RBFOX1: variants seen among roughly 807,000 people sequenced by gnomAD.
The protein encoded by RBFOX1 is RNA binding fox-1 homolog 1, also known as RNA binding protein fox-1 homolog 1.
Under a neutral mutation model 57.7 loss-of-function variants are expected in RBFOX1, and 8 were observed. That is an observed-to-expected ratio of 0.14 (90% confidence interval 0.08 to 0.25). The LOEUF (loss-of-function observed/expected upper bound fraction) is 0.25, where lower values mean the gene tolerates loss of function less well. Ranked by LOEUF, RBFOX1 falls within the 10% of genes least tolerant of loss-of-function variation. RBFOX1 has a pLI of 1.00. For synonymous variants in RBFOX1, 326 were observed against 222.4 expected (o/e 1.47, Z -4.15); for missense variants, 611 against 548.5 (o/e 1.11, Z -1.14).
At chr16:5,604,724 T>C (rs904577993), downstream of RBFOX1, among the ~76,000 whole-genome samples, 2 of 152,184 alleles carry the variant, frequency 1.3e-5, no homozygotes, top group African/African-American at 4.8e-5. Context: ...TCTCCTCTTC[T>C]TGGGGCCAAG....
At chr16:6,068,157 T>C (rs935698128) in intron 1 of RBFOX1, among the ~76,000 whole-genome samples, 1 of 152,208 alleles carries the variant, frequency 6.6e-6, no homozygotes, top group African/African-American at 2.4e-5. Flanking sequence ...TGCGAGGCTG[T>C]GTTTCTTATA....
chr16:7,690,377 A>G (rs975749895), intron 14 of RBFOX1, among the ~76,000 whole-genome samples: 2 of 152,270 alleles, frequency 1.3e-5, no homozygotes, highest in African/African-American at 2.4e-5. Flanking sequence ...AGAGGTTACC[A>G]TTTAATTGGT....
chr16:6,668,697 G>C (rs1488241622), intron 3 of RBFOX1, among the ~76,000 whole-genome samples: 1 of 152,104 alleles, frequency 6.6e-6, no homozygotes, highest in Non-Finnish European at 1.5e-5. Flanking sequence ...ATTTGTCTAT[G>C]ATGATATTTG....
intron 4 of RBFOX1, among the ~76,000 whole-genome samples, chr16:7,454,772 C>A (rs1003793758): frequency 6.6e-6 from 1 of 152,214 alleles, no homozygotes; most frequent in Non-Finnish European, 1.5e-5. Flanking sequence ...AATTGCCCAT[C>A]TGTGTTTTCT....
intron 3 of RBFOX1, among the ~76,000 whole-genome samples, chr16:6,941,007 C>A (rs1201208291): frequency 6.6e-6 from 1 of 151,838 alleles, no homozygotes; most frequent in East Asian, 1.9e-4. Flanking sequence ...ACACCCGGCC[C>A]CCCTTATCGT....
intron 3 of RBFOX1, among the ~76,000 whole-genome samples, chr16:5,623,607 G>A (rs960840736): frequency 2.0e-5 from 3 of 150,548 alleles, no homozygotes; most frequent in Admixed American, 1.3e-4. Flanking sequence ...AATTCTCACC[G>A]GTGCCTTCTT....
At chr16:6,250,476 G>A (rs996286075) in intron 1 of RBFOX1, among the ~76,000 whole-genome samples, 2 of 152,146 alleles carry the variant, frequency 1.3e-5, no homozygotes, top group East Asian at 1.9e-4. Flanking sequence ...CTTGGGCAGA[G>A]CACAGGCAGT....
intron 4 of RBFOX1, among the ~76,000 whole-genome samples, chr16:7,146,905 C>T (rs555475222): frequency 1.3e-4 from 19 of 144,666 alleles, no homozygotes; most frequent in South Asian, 4.7e-4. Flanking sequence ...GCCATGTTTG[C>T]GCCATTATAC....
At chr16:5,783,866 A>C (rs2054407333) in intron 3 of RBFOX1, among the ~76,000 whole-genome samples, 1 of 152,194 alleles carries the variant, frequency 6.6e-6, no homozygotes, top group South Asian at 2.1e-4. Flanking sequence ...TAAGGATCAT[A>C]ATGGGATTGT....
chr16:7,414,118 C>T (rs1036150791), intron 4 of RBFOX1, among the ~76,000 whole-genome samples: 3 of 152,180 alleles, frequency 2.0e-5, no homozygotes, highest in African/African-American at 7.2e-5. Flanking sequence ...AATCCCAATT[C>T]AAGGGGTCTA....
rs140882294 is a variant in RBFOX1, at chr16:5,659,386, C to T, written c.318+60425C>T. 5.5e-3 allele frequency among the ~76,000 whole-genome samples: 834 copies of T among 151,484 alleles called. 4 individuals are homozygous for T. The highest frequency in any genetic ancestry group is 0.019 in the African/African-American group (803 of 41,196). Reference sequence around the variant, plus strand: ...TGGCGCCATCCCCGCTCACTGCAACCTCTGCCTCCCGGGTTCACGTCATTC... The same window carrying T: ...TGGCGCCATCCCCGCTCACTGCAACTTCTGCCTCCCGGGTTCACGTCATTC... On this transcript the variant is annotated intron_variant, in intron 3 of 19. Transcript: ENST00000641259.
chr16:5,892,563 T>C (rs1234954066), intron 4 of RBFOX1, among the ~76,000 whole-genome samples: 1 of 152,068 alleles, frequency 6.6e-6, no homozygotes, highest in East Asian at 1.9e-4. Context: ...AGACGAGCTG[T>C]GAGAAGTAAG....
chr16:5,288,483 A>G lies in RBFOX1; in HGVS notation c.219+48378A>G, dbSNP rs192616862. Among the ~76,000 whole-genome samples, 119 of 152,240 alleles carry G rather than the reference A, an allele frequency of 7.8e-4. 1 individual carries two copies. In the East Asian group the frequency reaches 0.021, roughly 27 times the overall value. On this transcript the variant is annotated intron_variant, in intron 1 of 2. Coordinates refer to the RBFOX1 transcript ENST00000585867. The stretch of plus-strand genomic sequence containing the variant: ...TTCTAAAGTGAATTACACATTGTAA[A>G]ATAAAACACAGTCACATTAAAAAAA...
intron 4 of RBFOX1, among the ~76,000 whole-genome samples, chr16:5,992,391 C>G (rs2060415823): frequency 6.6e-6 from 1 of 152,174 alleles, no homozygotes; most frequent in South Asian, 2.1e-4. Flanking sequence ...AAAGCGAGAC[C>G]AATGGGTAAC....
In RBFOX1 at chr16:5,826,725, C is replaced by T. The variant is rs1318736683; in HGVS notation, c.319-40578C>T. 2.6e-5 allele frequency among the ~76,000 whole-genome samples: 4 copies of T among 152,344 alleles called. No individual in the cohort carries two copies. The South Asian group carries it at 6.2e-4, about 24-fold the overall frequency. On this transcript the variant is annotated intron_variant, in intron 3 of 19. Coordinates refer to the RBFOX1 transcript ENST00000641259. ...TTATTTAACATATTAATTAAAATCA[C>T]ATCCATATGCTGTCCTATAAATTTT... is the stretch of plus-strand genomic sequence containing the variant.
intron 4 of RBFOX1, among the ~76,000 whole-genome samples, chr16:7,426,269 A>G (rs1003614601): frequency 1.6e-4 from 25 of 152,120 alleles, no homozygotes; most frequent in Admixed American, 1.5e-3. Flanking sequence ...TGATCCTGGC[A>G]TCGTCTCCCC....
intron 1 of RBFOX1, among the ~76,000 whole-genome samples, chr16:5,431,516 A>G (rs137980618): frequency 0.018 from 2,763 of 152,056 alleles, 84 homozygotes; most frequent in African/African-American, 0.062. Flanking sequence ...CTGGGATTAC[A>G]GGCACCCACC....
chr16:5,419,276 A>T (rs1207960456), intron 1 of RBFOX1, among the ~76,000 whole-genome samples: 1 of 152,180 alleles, frequency 6.6e-6, no homozygotes, highest in Admixed American at 6.5e-5. Context: ...GGCCGTCTAC[A>T]AGCTGAGGAG....
rs555825936 is a variant in RBFOX1 at position 6,728,448 on chromosome 16, T to A, written c.-16+73798T>A. Among the ~76,000 whole-genome samples, 30 of 152,338 alleles carry A rather than the reference T, an allele frequency of 2.0e-4. No homozygotes were observed. In the South Asian group the frequency reaches 6.0e-3, roughly 31 times the overall value. Reference sequence around the variant, plus strand: ...TTGTATGTTTCATAACCTTGGAAATTGTTCATCTCTATGAAGTAATCCCTT... The same window carrying A: ...TTGTATGTTTCATAACCTTGGAAATAGTTCATCTCTATGAAGTAATCCCTT... On this transcript the variant is annotated intron_variant, in intron 3 of 15. Coordinates refer to ENST00000550418, the MANE Select transcript of RBFOX1 (RefSeq NM_018723.4).
Sources: gnomAD v4.1 joint callset for allele counts (sites outside exome capture counted in the v4.1 genomes callset) on GRCh38, gnomAD v4.1.1 for gene constraint, MANE v1.5 for transcripts, NCBI Gene and HGNC (gene_info 2026-07-23, HGNC 2026-07-21) for gene names.